Variants in RBMS3 observed in about 807,000 individuals in gnomAD.
RBMS3 encodes the protein RNA-binding motif, single-stranded-interacting protein 3.
A neutral mutation model predicts 66.8 loss-of-function variants in RBMS3; 27 were observed. The observed-to-expected ratio is 0.40, with a 90% CI of 0.30 to 0.56. The LOEUF is 0.56. Among genes scored for constraint, RBMS3 ranks in the 20% least tolerant of loss-of-function variants. The pLI is 0.40. For missense variants in RBMS3, 513 were observed against 549.5 expected (o/e 0.93, Z 0.66); for synonymous variants, 188 against 183.0 (o/e 1.03, Z -0.22).
chr3:29,376,094 A>T (rs905918928), intron 1 of RBMS3, among the ~76,000 whole-genome samples: 2 of 151,602 alleles, frequency 1.3e-5, no homozygotes, highest in Non-Finnish European at 2.9e-5. Context: ...GCAGAAACAG[A>T]AAACCAAGTG....
At chr3:29,445,149 T>A in intron 2 of RBMS3, among the ~76,000 whole-genome samples, 1 of 152,030 alleles carries the variant, frequency 6.6e-6, no homozygotes, top group Non-Finnish European at 1.5e-5. Flanking sequence ...AATATAAAAA[T>A]GATTTTATTG....
At chr3:29,295,922 A>G (rs933332620) in intron 1 of RBMS3, among the ~76,000 whole-genome samples, 19 of 151,758 alleles carry the variant, frequency 1.3e-4, no homozygotes, top group Admixed American at 1.3e-3. Flanking sequence ...CGTATTACAC[A>G]AGGATTAACA....
chr3:29,351,832 A>T (rs1260931040), intron 1 of RBMS3, among the ~76,000 whole-genome samples: 1 of 151,624 alleles, frequency 6.6e-6, no homozygotes, highest in Non-Finnish European at 1.5e-5. Context: ...TTTCTTCTAG[A>T]TTTTTTTTGT....
intron 6 of RBMS3, among the ~76,000 whole-genome samples, chr3:29,832,624 G>A (rs7645947): frequency 0.41 from 62,480 of 152,066 alleles, 13,391 homozygotes; most frequent in Non-Finnish European, 0.47. Context: ...TAAGTGTCCA[G>A]TTCCCCTAGC....
At chr3:29,756,215 A>T (rs1455152555) in intron 5 of RBMS3, among the ~76,000 whole-genome samples, 2 of 152,096 alleles carry the variant, frequency 1.3e-5, no homozygotes, top group Non-Finnish European at 2.9e-5. Context: ...CATCAATTGG[A>T]TGTCCTACAA....
chr3:29,830,341 T>C (rs1576934646), intron 6 of RBMS3, among the ~76,000 whole-genome samples: 1 of 152,214 alleles, frequency 6.6e-6, no homozygotes, highest in East Asian at 1.9e-4. Flanking sequence ...AGAAAAACTT[T>C]ATTTTGGAGC....
chr3:29,718,484 T>C (rs967935468), intron 4 of RBMS3, among the ~76,000 whole-genome samples: 1 of 151,988 alleles, frequency 6.6e-6, no homozygotes, highest in African/African-American at 2.4e-5. Flanking sequence ...AAGTTTGAGC[T>C]CCAGCAGAAC....
At chr3:29,473,387 C>T (rs1053011428) in intron 2 of RBMS3, among the ~76,000 whole-genome samples, 3 of 152,252 alleles carry the variant, frequency 2.0e-5, no homozygotes, top group Non-Finnish European at 4.4e-5. Context: ...AAACCCTTAG[C>T]TAGACATAAA....
chr3:29,884,333 C>CA (rs1185752689), intron 8 of RBMS3, 125 bp downstream of exon 8: 1 of 815,482 alleles, frequency 1.2e-6, no homozygotes, highest in African/African-American at 1.8e-5. Flanking sequence ...AAGTTTAAAC[C>CA]AAGCATTTTT....
chr3:29,642,178 G>A (rs2049743103), intron 4 of RBMS3, among the ~76,000 whole-genome samples: 1 of 152,060 alleles, frequency 6.6e-6, no homozygotes. Context: ...TTCTGACCCT[G>A]GGTGAAGTGA....
chr3:29,860,724 A>G (rs1231136342), intron 6 of RBMS3, among the ~76,000 whole-genome samples: 8 of 152,206 alleles, frequency 5.3e-5, no homozygotes, highest in Non-Finnish European at 1.2e-4. Context: ...AATAAATAAA[A>G]GATGGACTGT....
chr3:29,575,321 G>A (rs1194540876), intron 3 of RBMS3, among the ~76,000 whole-genome samples: 2 of 149,870 alleles, frequency 1.3e-5, no homozygotes, highest in Non-Finnish European at 3.0e-5. Context: ...AATATGTCAT[G>A]CCACTCTCTC....
intron 2 of RBMS3, among the ~76,000 whole-genome samples, chr3:29,486,758 T>A (rs1394121421): frequency 1.3e-5 from 2 of 152,174 alleles, no homozygotes; most frequent in Non-Finnish European, 2.9e-5. Flanking sequence ...AAATCCACTA[T>A]GAAACACAGT....
At chr3:29,384,160 A>G (rs1009671140) in intron 1 of RBMS3, among the ~76,000 whole-genome samples, 1 of 152,026 alleles carries the variant, frequency 6.6e-6, no homozygotes, top group Non-Finnish European at 1.5e-5. Context: ...TACAAAAAAT[A>G]CAAAAATTAG....
rs76459183 is a variant in RBMS3, at chr3:29,913,666, A to T, written c.939+13911A>T. ...TTGGGTTCTGAATAATAACCTTAAA[A>T]CTTCTATTGAGAAGAGAAACCTTTT... On this transcript the variant is annotated intron_variant, in intron 10 of 14. Transcript: ENST00000383767. Among the ~76,000 whole-genome samples the T allele has an allele frequency of 5.8e-3, 878 of 152,040 alleles. 4 individuals are homozygous for T. The highest frequency in any genetic ancestry group is 0.02 in the African/African-American group (839 of 41,506).
intron 2 of RBMS3, among the ~76,000 whole-genome samples, chr3:29,474,561 T>A (rs192904774): frequency 1.3e-5 from 2 of 152,236 alleles, no homozygotes; most frequent in South Asian, 4.1e-4. Context: ...TTACAACTTA[T>A]GTTGAACACC....
intron 4 of RBMS3, among the ~76,000 whole-genome samples, chr3:29,602,973 C>G (rs1375244286): frequency 6.7e-6 from 1 of 148,392 alleles, no homozygotes; most frequent in Non-Finnish European, 1.5e-5. Flanking sequence ...CCCTTTTTAT[C>G]TGTTCTCATA....
intron 4 of RBMS3, among the ~76,000 whole-genome samples, chr3:29,636,147 G>A (rs1012645857): frequency 7.9e-5 from 12 of 151,374 alleles, no homozygotes; most frequent in African/African-American, 2.9e-4. Context: ...AAATACCCAT[G>A]GTTTACACTA....
At chr3:29,408,145 G>A (rs143038383) in intron 1 of RBMS3, among the ~76,000 whole-genome samples, 1,926 of 150,874 alleles carry the variant, frequency 0.013, 51 homozygotes, top group African/African-American at 0.042. Context: ...GGTGGCGGGT[G>A]CCTGTAGCCC....
Sources: gnomAD v4.1 joint callset for allele counts (sites outside exome capture counted in the v4.1 genomes callset) on GRCh38, gnomAD v4.1.1 for gene constraint, MANE v1.5 for transcripts, NCBI Gene and HGNC (gene_info 2026-07-23, HGNC 2026-07-21) for gene names.